Variants in TIAM1 observed in about 807,000 individuals in gnomAD.
The protein encoded by TIAM1 is TIAM Rac1 associated GEF 1.
TIAM1 carries 65 observed loss-of-function variants against 163.5 expected under a neutral mutation model. The observed-to-expected ratio is 0.40, with a 90% confidence interval of 0.33 to 0.49. The LOEUF (loss-of-function observed/expected upper bound fraction) is 0.49, where lower values mean the gene tolerates loss of function less well. TIAM1 is among the 20% of genes least tolerant of loss of function. The pLI, the probability that TIAM1 is intolerant of heterozygous loss-of-function variation, is 0.77. For missense variants in TIAM1, 1,789 were observed against 2,044.7 expected (o/e 0.87, Z 2.41); for synonymous variants, 833 against 810.1 (o/e 1.03, Z -0.48).
intron 2 of TIAM1, among the ~76,000 whole-genome samples, chr21:31,441,084 T>C (rs1190973336): frequency 3.9e-5 from 6 of 152,184 alleles, no homozygotes. Flanking sequence ...AATCAGCTGG[T>C]CTTAACAGGT....
chr21:31,292,879 G>T (rs941772252), intron 2 of TIAM1, among the ~76,000 whole-genome samples: 1 of 152,012 alleles, frequency 6.6e-6, no homozygotes, highest in Admixed American at 6.5e-5. Flanking sequence ...ATGTTGGCCA[G>T]GCTGGTCTCG....
intron 3 of TIAM1, among the ~76,000 whole-genome samples, chr21:31,274,196 T>C (rs955059822): frequency 3.3e-5 from 5 of 151,204 alleles, no homozygotes; most frequent in African/African-American, 1.2e-4. Context: ...GCCTGGGAAA[T>C]AGTGCGAGAC....
chr21:31,392,672 T>C (rs2076988168), intron 2 of TIAM1, among the ~76,000 whole-genome samples: 1 of 149,572 alleles, frequency 6.7e-6, no homozygotes, highest in Non-Finnish European at 1.5e-5. Context: ...TGACCTCCAA[T>C]ATTGGAGGTG....
At chr21:31,465,384 T>C (rs1050323537) in intron 1 of TIAM1, among the ~76,000 whole-genome samples, 28 of 152,004 alleles carry the variant, frequency 1.8e-4, no homozygotes, top group African/African-American at 6.8e-4. Context: ...TGTGCCACTA[T>C]GCTTGGTTAA....
intron 15 of TIAM1, among the ~76,000 whole-genome samples, chr21:31,165,632 G>GA (rs2084173603): frequency 6.6e-6 from 1 of 151,068 alleles, no homozygotes; most frequent in African/African-American, 2.4e-5. Context: ...CTCAGTTTAT[G>GA]GTATTTTGTT....
At chr21:31,304,505 C>A (rs756040222) in intron 2 of TIAM1, among the ~76,000 whole-genome samples, 1 of 152,124 alleles carries the variant, frequency 6.6e-6, no homozygotes, top group Non-Finnish European at 1.5e-5. Context: ...AGTTCAATTC[C>A]ACTCAGCCAA....
intron 5 of TIAM1, among the ~76,000 whole-genome samples, chr21:31,247,913 G>T (rs2071592366): frequency 6.6e-6 from 1 of 152,112 alleles, no homozygotes; most frequent in Admixed American, 6.5e-5. Flanking sequence ...AACAAAAATG[G>T]GAGGGGGAAA....
intron 2 of TIAM1, among the ~76,000 whole-genome samples, chr21:31,396,560 T>A (rs1177526543): frequency 1.3e-5 from 2 of 148,704 alleles, no homozygotes; most frequent in Non-Finnish European, 3.0e-5. Flanking sequence ...ATAATAAATG[T>A]AAAATGTTTA....
intron 1 of TIAM1, among the ~76,000 whole-genome samples, chr21:31,495,805 C>T (rs1214627168): frequency 6.6e-6 from 1 of 152,118 alleles, no homozygotes; most frequent in Non-Finnish European, 1.5e-5. Context: ...AACCCCGTCT[C>T]TACTAAAAAT....
At chr21:31,173,923 GC>G (rs1357103679) in intron 15 of TIAM1, among the ~76,000 whole-genome samples, 1 of 152,028 alleles carries the variant, frequency 6.6e-6, no homozygotes, top group African/African-American at 2.4e-5. Context: ...AAGTTACCCC[GC>G]CCCCGGCCAT....
At chr21:31,186,459 T>C (rs760388676) in intron 14 of TIAM1, among the ~76,000 whole-genome samples, 1 of 152,010 alleles carries the variant, frequency 6.6e-6, no homozygotes, top group Non-Finnish European at 1.5e-5. Context: ...GACCACATGA[T>C]TAGAATGGAA....
At chr21:31,229,933 G>A (rs902523858) in intron 6 of TIAM1, among the ~76,000 whole-genome samples, 1 of 152,148 alleles carries the variant, frequency 6.6e-6, no homozygotes, top group Admixed American at 6.5e-5. Context: ...GATTACAAGC[G>A]TGAGCTACCG....
At chr21:31,540,075 G>A (rs1326749222) in intron 1 of TIAM1, among the ~76,000 whole-genome samples, 1 of 151,858 alleles carries the variant, frequency 6.6e-6, no homozygotes, top group African/African-American at 2.4e-5. Flanking sequence ...TAGCACAAGG[G>A]AAAGGATCAA....
intron 12 of TIAM1, among the ~76,000 whole-genome samples, chr21:31,200,883 G>A (rs1187205708): frequency 6.6e-6 from 1 of 152,084 alleles, no homozygotes; most frequent in Non-Finnish European, 1.5e-5. Flanking sequence ...CAGATCTATG[G>A]GCTGGAGACC....
In TIAM1 at chr21:31,282,438, C is replaced by T. The variant is rs147627367; in HGVS notation, c.-188-5530G>A. 2.2e-4 allele frequency among the ~76,000 whole-genome samples: 34 copies of T among 152,352 alleles called. 1 individual carries two copies. Among genetic ancestry groups the T allele is most frequent in the African/African-American group, 8.2e-4 (34 of 41,582 alleles). ...TTCCTTCCAGGAAATTCTTCTTGAG[C>T]ACTGCCTGCCCTCCACGGAGTGCAG... On this transcript the variant is annotated intron_variant, in intron 2 of 27. Coordinates refer to ENST00000541036, the MANE Select transcript of TIAM1 (RefSeq NM_001353694.2).
chr21:31,220,007 A>G (rs1330099419), intron 8 of TIAM1, among the ~76,000 whole-genome samples: 1 of 152,246 alleles, frequency 6.6e-6, no homozygotes, highest in African/African-American at 2.4e-5. Flanking sequence ...CTATGTCAAC[A>G]CTGAATAAAT....
At chr21:31,213,869 A>C (rs2087019841) in intron 9 of TIAM1, among the ~76,000 whole-genome samples, 1 of 149,672 alleles carries the variant, frequency 6.7e-6, no homozygotes, top group African/African-American at 2.5e-5. Flanking sequence ...ATCTCTACAA[A>C]AAAAAAAAAA....
chr21:31,555,216 G>A (rs1442490728), intron 1 of TIAM1, among the ~76,000 whole-genome samples: 1 of 147,288 alleles, frequency 6.8e-6, no homozygotes, highest in East Asian at 2.0e-4. Context: ...AGGAGTTATA[G>A]CTTATATAAA....
rs145262686 is a variant in TIAM1, at chr21:31,272,068, C to T, written c.-12+4664G>A. On this transcript the variant is annotated intron_variant, in intron 3 of 27. Transcript: ENST00000541036. Reference sequence around the variant, plus strand: ...TCAAAAATTCATTTAATACACCTAACCTACCAAACATCATAGCTCAGCACA... The same window carrying T: ...TCAAAAATTCATTTAATACACCTAATCTACCAAACATCATAGCTCAGCACA... 4.9e-3 allele frequency among the ~76,000 whole-genome samples: 750 copies of T among 152,270 alleles called. 3 individuals are homozygous for T. The highest frequency in any genetic ancestry group is 0.017 in the African/African-American group (688 of 41,544).
Sources: gnomAD v4.1 joint callset for allele counts (sites outside exome capture counted in the v4.1 genomes callset) on GRCh38, gnomAD v4.1.1 for gene constraint, MANE v1.5 for transcripts, NCBI Gene and HGNC (gene_info 2026-07-23, HGNC 2026-07-21) for gene names.